The following DOK2 variants were observed in gnomAD, a reference collection of about 807,000 sequenced individuals.
DOK2 encodes the protein docking protein 2, also known as docking protein 2, 56kD.
DOK2 carries 28 observed loss-of-function variants against 26.0 expected under a neutral mutation model. The ratio of observed to expected loss-of-function variants is 1.08; its 90% CI spans 0.80 to 1.48. The LOEUF is 1.48. Among genes scored for constraint, DOK2 ranks in the 40% most tolerant of loss-of-function variants. The pLI, the probability that DOK2 is intolerant of heterozygous loss-of-function variation, is 0.00. For missense variants in DOK2, 682 were observed against 558.2 expected, an observed-to-expected ratio of 1.22 and a Z score of -2.23; for synonymous variants, 282 against 236.9, an observed-to-expected ratio of 1.19 and a Z score of -1.75.
At chr8:21,910,939 G>A (rs1585398091) in intron 3 of DOK2, 82 bp from the exon 4 acceptor site, 1 of 1,431,406 alleles carries the variant, frequency 7.0e-7, no homozygotes, top group Non-Finnish European at 9.3e-7. Context: ...TTCTAAATGA[G>A]CGTACCAGAA....
intron 3 of DOK2, among the ~76,000 whole-genome samples, chr8:21,911,386 C>T (rs1346945127): frequency 6.6e-6 from 1 of 152,182 alleles, no homozygotes; most frequent in Admixed American, 6.5e-5. Flanking sequence ...GCAGGTGGAT[C>T]ACCTGATGTC....
chr8:21,912,097 G>A (rs111470868), intron 2 of DOK2, 109 bp from the exon 3 acceptor site: 26 of 1,471,694 alleles, frequency 1.8e-5, no homozygotes, highest in African/African-American at 1.3e-4. Context: ...TGCACACTGG[G>A]TTCGGGTCCC....
Position 21,912,607 on chromosome 8 carries a change from T to G in DOK2, c.64-97A>C, listed in dbSNP as rs570637744. On this transcript the variant is annotated intron_variant, in intron 1 of 4. Transcript: ENST00000276420. ...AGAAGAGGAACCGTGGGAGGGGGAC[T>G]GGGGCAGCCACTTGGAGATGGGGAG... 755 of 1,236,406 alleles carry G rather than the reference T, an allele frequency of 6.1e-4. 7 individuals are homozygous for G. The African/African-American group carries it at 0.01, about 17-fold the overall frequency. 76.6% of individuals were successfully genotyped at this position (1,236,406 alleles called of 1,614,324 possible).
chr8:21,912,269 C>G lies in DOK2; in HGVS notation c.305G>C (p.Arg102Pro). ...LYLLAAPAAE[R>P]GDWVQAICLL... ...GCAGATGGCCTGCACCCAGTCGCCG[C>G]GCTCCGCTGCAGGGGCCGCCAGGAG... The change falls in exon 2 of 5, where the codon CGC becomes CCC. Residue 102 changes from arginine (R) to proline (P), a missense_variant. Coordinates refer to ENST00000276420, the MANE Select transcript of DOK2 (RefSeq NM_003974.4). 6.3e-7 allele frequency: 1 copy of G among 1,580,422 alleles called. No individual in the cohort carries two copies. Among genetic ancestry groups the G allele is most frequent in the South Asian group, 1.2e-5 (1 of 86,908 alleles).
rs760515264 is a variant in DOK2 at position 21,912,498 on chromosome 8, A to T, written c.76T>A (p.Phe26Ile). The T allele has an allele frequency of 1.3e-6, 2 of 1,523,450 alleles. No individual in the cohort carries two copies. Among genetic ancestry groups the T allele is most frequent in the Non-Finnish European group, 1.8e-6 (2 of 1,137,168 alleles). 94.4% of individuals were successfully genotyped at this position (1,523,450 alleles called of 1,614,324 possible). The change falls in exon 2 of 5, where the codon TTC (phenylalanine) becomes ATC (isoleucine). Residue 26 changes from phenylalanine to isoleucine, a missense_variant. Physicochemically the swap from Phe to Ile is conservative, Grantham distance 21. Coordinates refer to ENST00000276420, the MANE Select transcript of DOK2 (RefSeq NM_003974.4). ...QQTFGKKWRR[F>I]GASLYGGSDC... ...GACCCTCCATACAGTGAGGCGCCGA[A>T]GCGGCGCCATTTCTGTGCCAGAGGC...
chr8:21,911,988 C>G lies in DOK2; in HGVS notation c.346G>C (p.Gly116Arg). The G allele has an allele frequency of 6.5e-7, 1 of 1,550,148 alleles. No individual in the cohort carries two copies. Among genetic ancestry groups the G allele is most frequent in the Non-Finnish European group, 8.7e-7 (1 of 1,147,562 alleles). The stretch of plus-strand genomic sequence containing the variant: ...GGCCCCGAGAGCTCCTTCCTCTGCC[C>G]CTAGGGAGGAGGCGCCCCGTCTCAT... ...VQAICLLAFP[G>R]QRKELSGPEG... The change falls in exon 3 of 5, where the codon GGG becomes CGG. Residue 116 changes from glycine to arginine, a missense_variant and splice_region_variant. Physicochemically the swap from Gly to Arg is moderately radical, Grantham distance 125. Coordinates refer to ENST00000276420, the MANE Select transcript of DOK2 (RefSeq NM_003974.4).
chr8:21,910,848 TG>T lies in DOK2; in HGVS notation c.442del (p.His148ThrfsTer6), dbSNP rs769930603. The T allele has an allele frequency of 2.2e-5, 36 of 1,604,456 alleles. No homozygotes were observed. The highest frequency in any genetic ancestry group is 2.6e-5 in the Non-Finnish European group (31 of 1,175,098). On this transcript the variant is annotated frameshift_variant, in exon 4 of 5. Transcript: ENST00000276420. LOFTEE classifies it high-confidence loss of function. ...LYSSAVTVGP[H>X]KEFAVTMRPT... ...TCTCATGGTCACAGCAAATTCCTTG[TG>T]GGGGCCGACTGGGGAGAAGAAGAGA... is the stretch of plus-strand genomic sequence containing the variant.
At position 21,909,069 on chromosome 8, in the gene DOK2, G is replaced by A. The variant is rs918841023; in HGVS notation, c.*242C>T. 2.6e-5 allele frequency: 11 copies of A among 423,254 alleles called. No individual in the cohort carries two copies. The Admixed American group carries it at 3.6e-4, about 14-fold the overall frequency. The allele number at this position is 423,254 out of a possible 1,614,324, so 26.2% of individuals were successfully genotyped here. On this transcript the variant is annotated 3_prime_UTR_variant, in exon 5 of 5. Coordinates refer to ENST00000276420, the MANE Select transcript of DOK2 (RefSeq NM_003974.4). ...AATGCCCCAGGTTCCTCCTCAGCTGGGGAAAGAAAGAGGAGGAAGTGGAAA... is the reference window on the plus strand; with the variant it reads ...AATGCCCCAGGTTCCTCCTCAGCTGAGGAAAGAAAGAGGAGGAAGTGGAAA...
At position 21,911,952 on chromosome 8, in the gene DOK2, G is replaced by T. The variant is rs1384020947; in HGVS notation, c.382C>A (p.Gln128Lys). The change falls in exon 3 of 5, where the codon CAG becomes AAG. Residue 128 changes from glutamine to lysine, a missense_variant. Transcript: ENST00000276420. Reference sequence around the variant, plus strand: ...TTTTCCTCCATGCAGGGCCGGCTCTGCTTTCCCTCTGGCCCCGAGAGCTCC... The same window carrying T: ...TTTTCCTCCATGCAGGGCCGGCTCTTCTTTCCCTCTGGCCCCGAGAGCTCC... ...RKELSGPEGK[Q>K]SRPCMEENEL... The T allele has an allele frequency of 4.5e-6, 7 of 1,561,116 alleles. No individual in the cohort carries two copies. The highest frequency in any genetic ancestry group is 6.1e-6 in the Non-Finnish European group (7 of 1,152,644).
At chr8:21,913,040 G>T (rs978229136) in intron 1 of DOK2, among the ~76,000 whole-genome samples, 2 of 152,186 alleles carry the variant, frequency 1.3e-5, no homozygotes, top group African/African-American at 4.8e-5. Flanking sequence ...TTGGTTAGGG[G>T]ACGAGGACTT....
chr8:21,908,975 C>T lies in DOK2; in HGVS notation c.*336G>A, dbSNP rs557486602. The stretch of plus-strand genomic sequence containing the variant: ...CCCAGGCTGTCCCTGAAGTGGCCAT[C>T]AGCAGGCAGGAGGCTTGCATAGCCA... On this transcript the variant is annotated 3_prime_UTR_variant, in exon 5 of 5. Coordinates refer to ENST00000276420, the MANE Select transcript of DOK2 (RefSeq NM_003974.4). 1 of 208,528 alleles carries T rather than the reference C, an allele frequency of 4.8e-6. No homozygotes were observed. The highest frequency in any genetic ancestry group is 5.4e-5 in the Admixed American group (1 of 18,652). 12.9% of individuals were successfully genotyped at this position (208,528 alleles called of 1,614,324 possible).
In DOK2 at chr8:21,909,940, G is replaced by C. The variant is rs565373060; in HGVS notation, c.619-9C>G. The C allele has an allele frequency of 1.2e-6, 2 of 1,602,464 alleles. No homozygotes were observed. Among genetic ancestry groups the C allele is most frequent in the Admixed American group, 1.7e-5 (1 of 59,672 alleles). Reference sequence around the variant, plus strand: ...TCAAAGGAAAAGGTTACCTGGACCAGGGAGAAAGCAGGTTATTGGCCAGGC... The same window carrying C: ...TCAAAGGAAAAGGTTACCTGGACCACGGAGAAAGCAGGTTATTGGCCAGGC... On this transcript the variant is annotated splice_polypyrimidine_tract_variant and intron_variant, in intron 4 of 4. Transcript: ENST00000276420.
chr8:21,909,229 G>A lies in DOK2; in HGVS notation c.*82C>T, dbSNP rs1809714364. ...CAGGCCTCGGGCTCCAGAAGGGGCAGAGGAGGTTCTTCTGATGCAGTGGCC... is the reference window on the plus strand; with the variant it reads ...CAGGCCTCGGGCTCCAGAAGGGGCAAAGGAGGTTCTTCTGATGCAGTGGCC... On this transcript the variant is annotated 3_prime_UTR_variant, in exon 5 of 5. Transcript: ENST00000276420. 1 of 1,479,122 alleles carries A rather than the reference G, an allele frequency of 6.8e-7. No homozygotes were observed. The highest frequency in any genetic ancestry group is 9.1e-7 in the Non-Finnish European group (1 of 1,104,018). The allele number at this position is 1,479,122 out of a possible 1,614,324, so 91.6% of individuals were successfully genotyped here.
Position 21,912,381 on chromosome 8 carries a change from A to G in DOK2, c.193T>C (p.Cys65Arg), listed in dbSNP as rs1297261395. The G allele has an allele frequency of 6.2e-7, 1 of 1,603,908 alleles. No individual in the cohort carries two copies. Among genetic ancestry groups the G allele is most frequent in the Non-Finnish European group, 8.5e-7 (1 of 1,176,802 alleles). Residue 65 changes from cysteine to arginine, a missense_variant, in exon 2 of 5, where the codon TGC (cysteine) becomes CGC (arginine). Coordinates refer to ENST00000276420, the MANE Select transcript of DOK2 (RefSeq NM_003974.4). ...CCGCCGGCCTCGGCCACCCGCAGGC[A>G]GTCACTGAGGCGGATGACCTTCCGG... ...AARKVIRLSD[C>R]LRVAEAGGEA...
intron 4 of DOK2, among the ~76,000 whole-genome samples, chr8:21,910,277 G>C (rs951138300): frequency 7.9e-5 from 12 of 152,134 alleles, no homozygotes; most frequent in African/African-American, 2.7e-4. Flanking sequence ...ACCGCGCCCA[G>C]CTAGGGATGC....
Position 21,909,123 on chromosome 8 carries a change from G to A in DOK2, c.*188C>T. 1.6e-6 allele frequency: 1 copy of A among 634,380 alleles called. No homozygotes were observed. The highest frequency in any genetic ancestry group is 2.6e-5 in the South Asian group (1 of 38,478). 39.3% of individuals were successfully genotyped at this position (634,380 alleles called of 1,614,324 possible). On this transcript the variant is annotated 3_prime_UTR_variant, in exon 5 of 5. Coordinates refer to ENST00000276420, the MANE Select transcript of DOK2 (RefSeq NM_003974.4). ...AGTAGGAGGAGGGTGGTTCTCTCCA[G>A]GGCACCCTTCCTGCTTTGGGATGGT...
rs1809713077 is a variant in DOK2 at position 21,909,202 on chromosome 8, G to A, written c.*109C>T. ...AATTTATCAGCCCCAACGAAGACAG[G>A]CCAGGCCTCGGGCTCCAGAAGGGGC... On this transcript the variant is annotated 3_prime_UTR_variant, in exon 5 of 5. Coordinates refer to ENST00000276420, the MANE Select transcript of DOK2 (RefSeq NM_003974.4). The A allele has an allele frequency of 3.7e-6, 5 of 1,364,786 alleles. No homozygotes were observed. Among genetic ancestry groups the A allele is most frequent in the African/African-American group, 1.5e-5 (1 of 68,612 alleles). The allele number at this position is 1,364,786 out of a possible 1,614,324, so 84.5% of individuals were successfully genotyped here. A position where few individuals can be genotyped will look rare whatever the true frequency, so the allele number is the denominator to read the frequency against.
Position 21,909,523 on chromosome 8 carries a change from G to A in DOK2, c.1027C>T (p.His343Tyr). The A allele has an allele frequency of 6.2e-7, 1 of 1,614,172 alleles. No homozygotes were observed. Reference protein sequence around the residue: ...IEETLPPRPDHIYDEPEGVAA... With the variant: ...IEETLPPRPDYIYDEPEGVAA... Reference sequence around the variant, plus strand: ...ACTCCCTCGGGCTCATCGTATATGTGGTCAGGTCGAGGGGGCAGGGTCTCC... The same window carrying A: ...ACTCCCTCGGGCTCATCGTATATGTAGTCAGGTCGAGGGGGCAGGGTCTCC... The change falls in exon 5 of 5, where the codon CAC becomes TAC. Residue 343 changes from histidine (H) to tyrosine (Y), a missense_variant. Physicochemically the swap from His to Tyr is moderately conservative, Grantham distance 83. Coordinates refer to ENST00000276420, the MANE Select transcript of DOK2 (RefSeq NM_003974.4).
At chr8:21,911,770 G>C (rs753704533) in intron 3 of DOK2, 131 bp downstream of exon 3, 1 of 994,250 alleles carries the variant, frequency 1.0e-6, no homozygotes, top group Non-Finnish European at 1.4e-6. Context: ...CTGATAACGG[G>C]GCTGGCCCAG....
Sources: gnomAD v4.1 joint callset for allele counts (sites outside exome capture counted in the v4.1 genomes callset) on GRCh38, gnomAD v4.1.1 for gene constraint, MANE v1.5 for transcripts, NCBI Gene and HGNC (gene_info 2026-07-23, HGNC 2026-07-21) for gene names.